The following GRM7 variants were observed in gnomAD, a reference collection of about 807,000 sequenced individuals.
GRM7 encodes metabotropic glutamate receptor 7.
In GRM7, 35 loss-of-function variants were observed where a neutral mutation model predicts 84.5. The ratio of observed to expected loss-of-function variants is 0.41; its 90% CI spans 0.32 to 0.55. GRM7 has a LOEUF of 0.55. GRM7 is among the 20% of genes least tolerant of loss of function. GRM7 has a pLI of 0.19. For missense variants in GRM7, 1,003 were observed against 1,194.6 expected (o/e 0.84, Z 2.36); for synonymous variants, 487 against 455.1 (o/e 1.07, Z -0.89).
intron 7 of GRM7, among the ~76,000 whole-genome samples, chr3:7,560,537 C>T (rs1693970141): frequency 6.6e-6 from 1 of 152,032 alleles, no homozygotes; most frequent in Admixed American, 6.6e-5. Flanking sequence ...ACAACATTAC[C>T]TGGGAGCTTG....
intron 1 of GRM7, among the ~76,000 whole-genome samples, chr3:7,013,733 G>A (rs1474915531): frequency 5.3e-5 from 8 of 152,050 alleles, no homozygotes; most frequent in African/African-American, 1.9e-4. Context: ...TTCCAGTCTA[G>A]GCTGAGCAAA....
intron 2 of GRM7, among the ~76,000 whole-genome samples, chr3:7,193,045 G>A (rs542561788): frequency 1.3e-5 from 2 of 151,760 alleles, no homozygotes; most frequent in African/African-American, 2.4e-5. Context: ...TTTTTTGTTC[G>A]TTTGTTTTGG....
chr3:7,052,809 G>A (rs748396162), intron 1 of GRM7, among the ~76,000 whole-genome samples: 1 of 149,722 alleles, frequency 6.7e-6, no homozygotes, highest in Non-Finnish European at 1.5e-5. Flanking sequence ...GGGCATTTAG[G>A]TTCTTTCCCA....
At chr3:7,549,277 T>A (rs1023885160) in intron 7 of GRM7, among the ~76,000 whole-genome samples, 2 of 152,216 alleles carry the variant, frequency 1.3e-5, no homozygotes, top group Non-Finnish European at 2.9e-5. Flanking sequence ...ACTGCTTTCT[T>A]TTCATCTGAG....
intron 2 of GRM7, among the ~76,000 whole-genome samples, chr3:7,215,400 C>G (rs1231162184): frequency 6.6e-6 from 1 of 152,052 alleles, no homozygotes; most frequent in Non-Finnish European, 1.5e-5. Context: ...CACGGTGGAT[C>G]ACGCCTGTAA....
rs571999670 is a variant in GRM7 at position 6,926,280 on chromosome 3, A to T, written c.519+64373A>T. Among the ~76,000 whole-genome samples the T allele has an allele frequency of 2.6e-5, 4 of 152,312 alleles. No homozygotes were observed. In the South Asian group the frequency reaches 8.3e-4, roughly 32 times the overall value. The stretch of plus-strand genomic sequence containing the variant: ...TTGATCTATCTGCTTTTTTCTACAT[A>T]TATCATTTGTGCATTCATTTGTGTC... On this transcript the variant is annotated intron_variant, in intron 1 of 9. Transcript: ENST00000357716.
chr3:7,147,315 A>C (rs1694141851), intron 2 of GRM7, among the ~76,000 whole-genome samples: 2 of 152,156 alleles, frequency 1.3e-5, no homozygotes, highest in South Asian at 4.1e-4. Flanking sequence ...GATTTTGAAA[A>C]ATGAGACAAA....
intron 2 of GRM7, among the ~76,000 whole-genome samples, chr3:7,245,715 T>C (rs1035758934): frequency 2.0e-5 from 3 of 152,042 alleles, no homozygotes; most frequent in Non-Finnish European, 4.4e-5. Context: ...TGCCTAATGA[T>C]GATTTGGATC....
At chr3:6,999,150 C>T (rs578062951) in intron 1 of GRM7, among the ~76,000 whole-genome samples, 30 of 152,188 alleles carry the variant, frequency 2.0e-4, no homozygotes, top group Non-Finnish European at 2.9e-4. Context: ...CCTAAATCAT[C>T]TCTCTCAAGT....
intron 2 of GRM7, among the ~76,000 whole-genome samples, chr3:7,197,201 A>G (rs1695907969): frequency 6.6e-6 from 1 of 152,202 alleles, no homozygotes; most frequent in Non-Finnish European, 1.5e-5. Context: ...AACCACTTAT[A>G]TTAGCCCAAA....
intron 4 of GRM7, among the ~76,000 whole-genome samples, chr3:7,330,255 C>T (rs531366220): frequency 1.8e-4 from 27 of 152,178 alleles, no homozygotes; most frequent in African/African-American, 3.9e-4. Context: ...ATATACTTGA[C>T]GTTTTCAGTG....
intron 4 of GRM7, among the ~76,000 whole-genome samples, chr3:7,312,410 G>A (rs937307777): frequency 5.3e-5 from 8 of 152,034 alleles, no homozygotes; most frequent in Non-Finnish European, 1.2e-4. Flanking sequence ...ACTCATATGA[G>A]AGAAGTAGGT....
At chr3:7,271,838 G>C (rs1467849143) in intron 2 of GRM7, among the ~76,000 whole-genome samples, 3 of 152,152 alleles carry the variant, frequency 2.0e-5, no homozygotes, top group Non-Finnish European at 4.4e-5. Flanking sequence ...AGTGACTATT[G>C]AATCTATCAA....
chr3:6,913,368 A>G (rs1311777688), intron 1 of GRM7, among the ~76,000 whole-genome samples: 1 of 152,124 alleles, frequency 6.6e-6, no homozygotes, highest in Non-Finnish European at 1.5e-5. Context: ...TGCATTCATC[A>G]ATGAGTAATC....
At position 7,058,903 on chromosome 3, in the gene GRM7, A is replaced by G. The variant is rs139167318; in HGVS notation, c.520-87549A>G. 2.7e-3 allele frequency among the ~76,000 whole-genome samples: 418 copies of G among 152,048 alleles called. 3 individuals are homozygous for G. Among genetic ancestry groups the G allele is most frequent in the African/African-American group, 9.5e-3 (395 of 41,552 alleles). On this transcript the variant is annotated intron_variant, in intron 1 of 9. Transcript: ENST00000357716. ...TAACTTGTAGAATGCTAAGAAAGGT[A>G]AAAACATCTTCAAATAAGGAAGAGG...
chr3:7,130,930 TTCAC>T (rs962786589), intron 1 of GRM7, among the ~76,000 whole-genome samples: 7 of 151,928 alleles, frequency 4.6e-5, no homozygotes, highest in Non-Finnish European at 8.8e-5. Flanking sequence ...GAGGTATTTC[TTCAC>T]TCACTCACAC....
chr3:7,454,081 T>TACAC lies in GRM7; in HGVS notation c.1375+1281_1375+1284dup, dbSNP rs141029901. On this transcript the variant is annotated intron_variant, in intron 6 of 9. Transcript: ENST00000357716. ...GAGCCAAGAACCATACATGAAAAGC[T>TACAC]ACACACACACTCTCTCTCTCTCTCT... is the stretch of plus-strand genomic sequence containing the variant. Among the ~76,000 whole-genome samples the TACAC allele has an allele frequency of 5.7e-4, 81 of 142,676 alleles. 1 individual carries two copies. Among genetic ancestry groups the TACAC allele is most frequent in the Middle Eastern group, 3.6e-3 (1 of 274 alleles). 93.6% of individuals were successfully genotyped at this position (142,676 alleles called of 152,430 possible). A position where few individuals can be genotyped will look rare whatever the true frequency, so the allele number is the denominator to read the frequency against.
chr3:7,155,582 G>T (rs992486953), intron 2 of GRM7, among the ~76,000 whole-genome samples: 5 of 152,126 alleles, frequency 3.3e-5, no homozygotes, highest in Non-Finnish European at 2.9e-5. Flanking sequence ...CTATTTATTG[G>T]ACTTCAACTG....
chr3:7,697,581 G>C (rs776492167), intron 9 of GRM7, among the ~76,000 whole-genome samples: 3 of 152,192 alleles, frequency 2.0e-5, no homozygotes, highest in Non-Finnish European at 4.4e-5. Context: ...TTACAATGCA[G>C]TGTACAAAAT....
Sources: allele counts gnomAD v4.1 joint callset (sites outside exome capture counted in the v4.1 genomes callset), GRCh38; gene constraint gnomAD v4.1.1; transcripts MANE v1.5; gene names NCBI Gene and HGNC (gene_info 2026-07-23, HGNC 2026-07-21).